TFCP2: variants seen among roughly 807,000 people sequenced by gnomAD.
The protein encoded by TFCP2 is transcription factor CP2.
In TFCP2, 33 loss-of-function variants were observed where a neutral mutation model predicts 73.4. That is an observed-to-expected ratio of 0.45 (90% confidence interval 0.34 to 0.60). The LOEUF (loss-of-function observed/expected upper bound fraction) is 0.60, where lower values mean the gene tolerates loss of function less well. TFCP2 is among the 20% of genes least tolerant of loss of function. The pLI is 0.01. For synonymous variants in TFCP2, 193 were observed against 211.6 expected (o/e 0.91, Z 0.76); for missense variants, 352 against 604.0 (o/e 0.58, Z 4.37).
Position 51,119,056 on chromosome 12 carries a change from A to T in TFCP2, c.123-284T>A, listed in dbSNP as rs142779648. Among the ~76,000 whole-genome samples, 1,129 of 152,366 alleles carry T rather than the reference A, an allele frequency of 7.4e-3. 10 individuals carry two copies. The highest frequency in any genetic ancestry group is 0.025 in the African/African-American group (1,053 of 41,592). On this transcript the variant is annotated intron_variant, in intron 1 of 14. Transcript: ENST00000257915. ...AAAGGACTGTGGAAATTATAAACAG[A>T]GTTCTAAAATGTATAAATCTAGGAC...
intron 1 of TFCP2, among the ~76,000 whole-genome samples, chr12:51,154,368 A>C (rs112640452): frequency 0.061 from 9,340 of 152,226 alleles, 914 homozygotes; most frequent in African/African-American, 0.21. Context: ...ACAACAACTA[A>C]AAATAAAACT....
intron 9 of TFCP2, 162 bp from the exon 10 acceptor site, chr12:51,103,925 C>A: frequency 1.4e-6 from 1 of 701,952 alleles, no homozygotes; most frequent in Admixed American, 2.8e-5. Context: ...GAGTTCCATC[C>A]TTTTCTTCCC....
intron 1 of TFCP2, among the ~76,000 whole-genome samples, chr12:51,131,178 AC>A (rs1463868103): frequency 1.3e-5 from 2 of 150,918 alleles, no homozygotes; most frequent in Non-Finnish European, 1.5e-5. Context: ...AAAAAAAAAA[AC>A]AAAAAATTAG....
At chr12:51,143,192 A>G (rs1258969489) in intron 1 of TFCP2, among the ~76,000 whole-genome samples, 1 of 151,708 alleles carries the variant, frequency 6.6e-6, no homozygotes, top group Admixed American at 6.6e-5. Flanking sequence ...CTAGGCCTAG[A>G]CTTGTATATT....
intron 1 of TFCP2, among the ~76,000 whole-genome samples, chr12:51,128,842 A>G (rs1294892950): frequency 6.6e-6 from 1 of 152,216 alleles, no homozygotes; most frequent in Non-Finnish European, 1.5e-5. Context: ...GGACGATCAA[A>G]TGTGCAAATG....
At chr12:51,147,529 T>TC (rs573397323) in intron 1 of TFCP2, among the ~76,000 whole-genome samples, 4 of 147,822 alleles carry the variant, frequency 2.7e-5, no homozygotes, top group Admixed American at 1.4e-4. Context: ...TAGGAAGAGG[T>TC]GGGGGGGGAA....
chr12:51,158,892 G>A (rs1280585056), intron 1 of TFCP2, among the ~76,000 whole-genome samples: 2 of 151,100 alleles, frequency 1.3e-5, no homozygotes, highest in Non-Finnish European at 2.9e-5. Flanking sequence ...GGCCAGGTGC[G>A]GTGGCTCAAG....
chr12:51,108,588 A>T (rs1940315716), intron 6 of TFCP2, among the ~76,000 whole-genome samples: 1 of 152,102 alleles, frequency 6.6e-6, no homozygotes, highest in African/African-American at 2.4e-5. Context: ...AGCCTGGGCA[A>T]CATGGCAAGA....
chr12:51,107,458 G>A (rs1940275513), intron 6 of TFCP2, 112 bp from the exon 7 acceptor site: 4 of 786,974 alleles, frequency 5.1e-6, no homozygotes, highest in Admixed American at 2.4e-5. Context: ...GTGCAGTGAT[G>A]TAAAGGCAAG....
chr12:51,098,078 G>A (rs1940011259), intron 13 of TFCP2, among the ~76,000 whole-genome samples: 1 of 150,942 alleles, frequency 6.6e-6, no homozygotes, highest in Non-Finnish European at 1.5e-5. Flanking sequence ...AAGAGTTCAA[G>A]GAAACAGAGG....
chr12:51,106,558 T>C lies in TFCP2; in HGVS notation c.884A>G (p.Asn295Ser). The C allele has an allele frequency of 1.2e-6, 2 of 1,613,700 alleles. No individual in the cohort carries two copies. Among genetic ancestry groups the C allele is most frequent in the Non-Finnish European group, 1.7e-6 (2 of 1,179,798 alleles). The change falls in exon 8 of 15, where the codon AAC becomes AGC. Residue 295 changes from asparagine to serine, a missense_variant. This residue lies in a region of TFCP2 where 194 missense variants were observed against 256.3 expected (regional missense o/e 0.76). Coordinates refer to ENST00000257915, the MANE Select transcript of TFCP2 (RefSeq NM_005653.5). ...YVNNSPSPGF[N>S]SSHSSFSLGE... ...AAGAGAAAAACTGCTATGGGAACTG[T>C]TGAAGCCAGGTGATGGGGAGTTATT...
intron 1 of TFCP2, among the ~76,000 whole-genome samples, chr12:51,129,206 G>T (rs1198581720): frequency 2.0e-5 from 3 of 151,956 alleles, no homozygotes; most frequent in African/African-American, 7.2e-5. Flanking sequence ...GTACAAATTT[G>T]AGAGGACTTA....
At chr12:51,104,506 A>C (rs1292505859) in intron 8 of TFCP2, among the ~76,000 whole-genome samples, 1 of 152,184 alleles carries the variant, frequency 6.6e-6, no homozygotes, top group African/African-American at 2.4e-5. Flanking sequence ...AAAAATATTT[A>C]ACCATAAATT....
At chr12:51,109,003 T>G in intron 6 of TFCP2, 118 bp downstream of exon 6, 1 of 1,144,110 alleles carries the variant, frequency 8.7e-7, no homozygotes, top group Non-Finnish European at 1.3e-6. Flanking sequence ...AGCTTAGACT[T>G]TTTGCGTGTG....
chr12:51,166,873 C>T (rs557478425), intron 1 of TFCP2, among the ~76,000 whole-genome samples: 18 of 152,244 alleles, frequency 1.2e-4, no homozygotes, highest in African/African-American at 3.6e-4. Context: ...GCTTGCTGCA[C>T]GTGGGCAGGA....
At chr12:51,122,248 CTTT>C (rs1214469651) in intron 1 of TFCP2, among the ~76,000 whole-genome samples, 4 of 121,190 alleles carry the variant, frequency 3.3e-5, no homozygotes, top group African/African-American at 1.2e-4. Flanking sequence ...TATTTTTTTT[CTTT>C]TCTTTTTTTT....
intron 1 of TFCP2, among the ~76,000 whole-genome samples, chr12:51,152,045 C>T (rs570162641): frequency 1.3e-5 from 2 of 152,136 alleles, no homozygotes; most frequent in Non-Finnish European, 2.9e-5. Flanking sequence ...AGTTTGAGAA[C>T]AGGATATTTA....
chr12:51,154,581 C>G (rs1303001063), intron 1 of TFCP2, among the ~76,000 whole-genome samples: 2 of 152,120 alleles, frequency 1.3e-5, no homozygotes, highest in African/African-American at 4.8e-5. Flanking sequence ...GTAATCTCAG[C>G]TACTCAGGAG....
chr12:51,148,047 A>C (rs1207671081), intron 1 of TFCP2, among the ~76,000 whole-genome samples: 1 of 152,176 alleles, frequency 6.6e-6, no homozygotes, highest in African/African-American at 2.4e-5. Context: ...AATGCTCAAC[A>C]TCACTATCAG....
Sources: gnomAD v4.1 joint callset for allele counts (sites outside exome capture counted in the v4.1 genomes callset) on GRCh38, gnomAD v4.1.1 for gene constraint, gnomAD v4.1.1 regional missense constraint, MANE v1.5 for transcripts, NCBI Gene and HGNC (gene_info 2026-07-23, HGNC 2026-07-21) for gene names.